NPAS3: variants seen among roughly 807,000 people sequenced by gnomAD.
The protein encoded by NPAS3 is neuronal PAS domain protein 3, also known as neuronal PAS domain-containing protein 3.
A neutral mutation model predicts 73.1 loss-of-function variants in NPAS3; 14 were observed. That is an observed-to-expected ratio of 0.19 (90% CI 0.13 to 0.30). The LOEUF is 0.30. Ranked by LOEUF, NPAS3 falls within the 10% of genes least tolerant of loss-of-function variation. The pLI is 1.00. For synonymous variants in NPAS3, 620 were observed against 541.5 expected (o/e 1.14, Z -2.01); for missense variants, 1,096 against 1,250.0 (o/e 0.88, Z 1.86).
At chr14:33,236,173 A>T (rs2048027279) in intron 3 of NPAS3, among the ~76,000 whole-genome samples, 1 of 151,912 alleles carries the variant, frequency 6.6e-6, no homozygotes, top group Non-Finnish European at 1.5e-5. Flanking sequence ...CACTGAAAAA[A>T]AACCAAAGAG....
intron 2 of NPAS3, among the ~76,000 whole-genome samples, chr14:33,142,191 CTTTTTT>C (rs10709910): frequency 1.6e-4 from 6 of 38,100 alleles, no homozygotes; most frequent in East Asian, 2.3e-3. Flanking sequence ...TTTGTATAAG[CTTTTTT>C]TTTTTTTTTT....
At chr14:33,613,252 C>T (rs2057806682) in intron 5 of NPAS3, among the ~76,000 whole-genome samples, 1 of 152,084 alleles carries the variant, frequency 6.6e-6, no homozygotes, top group Non-Finnish European at 1.5e-5. Flanking sequence ...ACCCTGAGGC[C>T]ATTTAGAATC....
chr14:33,438,163 T>A (rs2049073575), intron 4 of NPAS3, among the ~76,000 whole-genome samples: 2 of 152,212 alleles, frequency 1.3e-5, no homozygotes, highest in Admixed American at 6.5e-5. Context: ...TCTTGATGCT[T>A]ACTGAGCATA....
At chr14:32,939,771 C>T (rs2035899931) in intron 1 of NPAS3, among the ~76,000 whole-genome samples, 1 of 151,870 alleles carries the variant, frequency 6.6e-6, no homozygotes, top group Non-Finnish European at 1.5e-5. Context: ...CTAGCAGCTG[C>T]TCTCGAGGAA....
chr14:33,663,680 T>G (rs1415699623), intron 5 of NPAS3, among the ~76,000 whole-genome samples: 1 of 152,142 alleles, frequency 6.6e-6, no homozygotes, highest in African/African-American at 2.4e-5. Context: ...GTCCTGGGGT[T>G]TTTTTGGTTG....
chr14:33,362,754 G>C (rs570895911), intron 3 of NPAS3, among the ~76,000 whole-genome samples: 47 of 152,196 alleles, frequency 3.1e-4, no homozygotes, highest in Admixed American at 2.2e-3. Flanking sequence ...GACTACATTT[G>C]CCCGTGATGC....
At chr14:33,039,840 T>G (rs932055069) in intron 1 of NPAS3, among the ~76,000 whole-genome samples, 1 of 152,228 alleles carries the variant, frequency 6.6e-6, no homozygotes, top group Non-Finnish European at 1.5e-5. Flanking sequence ...AATCAGGCCT[T>G]TAAATTAATC....
chr14:33,348,052 T>TG (rs2044832739), intron 3 of NPAS3, among the ~76,000 whole-genome samples: 2 of 152,102 alleles, frequency 1.3e-5, no homozygotes, highest in African/African-American at 4.8e-5. Flanking sequence ...GAGAGAGGGT[T>TG]GGATGTCAAG....
intron 1 of NPAS3, among the ~76,000 whole-genome samples, chr14:32,968,146 A>C (rs2139288543): frequency 1.3e-5 from 2 of 152,132 alleles, no homozygotes; most frequent in South Asian, 2.1e-4. Flanking sequence ...AGGAGGAATA[A>C]GTTCTGGTGT....
intron 3 of NPAS3, among the ~76,000 whole-genome samples, chr14:33,321,018 A>T (rs1467524543): frequency 1.3e-5 from 2 of 152,126 alleles, no homozygotes; most frequent in African/African-American, 4.8e-5. Flanking sequence ...TCTCAGAATG[A>T]TGCAAAGCAC....
chr14:33,697,904 G>T (rs10498317), intron 6 of NPAS3, among the ~76,000 whole-genome samples: 4,570 of 152,282 alleles, frequency 0.03, 84 homozygotes, highest in Middle Eastern at 0.044. Context: ...TCCTCAATGT[G>T]TCTTTCTCTC....
At chr14:33,024,029 G>C (rs563502799) in intron 1 of NPAS3, among the ~76,000 whole-genome samples, 1 of 152,168 alleles carries the variant, frequency 6.6e-6, no homozygotes, top group East Asian at 1.9e-4. Flanking sequence ...GTTTGTTTTT[G>C]GCAGAAGAGT....
intron 10 of NPAS3, among the ~76,000 whole-genome samples, 194 bp from the exon 11 acceptor site, chr14:33,797,263 G>C (rs920558827): frequency 6.6e-6 from 1 of 152,238 alleles, no homozygotes; most frequent in African/African-American, 2.4e-5. Context: ...TTGCAGCAGG[G>C]TGCACCTGTG....
At chr14:33,538,882 T>C (rs1439949707) in intron 4 of NPAS3, among the ~76,000 whole-genome samples, 3 of 152,148 alleles carry the variant, frequency 2.0e-5, no homozygotes, top group African/African-American at 7.2e-5. Context: ...ACCCCCAACA[T>C]TCTATAATTT....
At chr14:33,281,367 A>T (rs1218219406) in intron 3 of NPAS3, among the ~76,000 whole-genome samples, 2 of 152,196 alleles carry the variant, frequency 1.3e-5, no homozygotes, top group Admixed American at 6.5e-5. Flanking sequence ...ATGGTGGCTC[A>T]TGCCTGTAAT....
intron 2 of NPAS3, among the ~76,000 whole-genome samples, chr14:33,147,484 G>T (rs919094042): frequency 1.3e-5 from 2 of 150,400 alleles, no homozygotes; most frequent in African/African-American, 4.9e-5. Flanking sequence ...CTAGGTGATA[G>T]AAATAAAAAT....
chr14:33,800,419 CG>C lies in NPAS3; in HGVS notation c.2118del (p.Leu707CysfsTer103). The stretch of plus-strand genomic sequence containing the variant: ...GCGGCGGCGGTGGGGGTGGCGGTGG[CG>C]GGGGGCTGCACGTGGCCATTCCCGA... On this transcript the variant is annotated frameshift_variant, in exon 12 of 12. Coordinates refer to ENST00000356141, the Ensembl canonical transcript of NPAS3. LOFTEE classifies it high-confidence loss of function. The surrounding 1 kb of genome is among the most constrained non-coding windows in gnomAD (Gnocchi z 6.5). 5 of 1,592,766 alleles carry C rather than the reference CG, an allele frequency of 3.1e-6. No homozygotes were observed. The highest frequency in any genetic ancestry group is 1.7e-5 in the Admixed American group (1 of 57,378).
In NPAS3 at chr14:33,056,125, AAAAC is replaced by A. The variant is rs2040879877; in HGVS notation, c.140+136_140+139del. 5 of 543,492 alleles carry A rather than the reference AAAAC, an allele frequency of 9.2e-6. No homozygotes were observed. The Admixed American group carries it at 1.0e-4, about 11-fold the overall frequency. The allele number at this position is 543,492 out of a possible 1,614,324, so 33.7% of individuals were successfully genotyped here. ...TTAGTGGGGGAGAAAAAAAAACAAA[AAAAC>A]AAACCAACAAACCAAACCAAATAAA... is the stretch of plus-strand genomic sequence containing the variant. On this transcript the variant is annotated intron_variant, in intron 2 of 11. Transcript: ENST00000356141.
At chr14:33,451,835 T>C (rs540870495) in intron 4 of NPAS3, among the ~76,000 whole-genome samples, 1 of 152,286 alleles carries the variant, frequency 6.6e-6, no homozygotes, top group African/African-American at 2.4e-5. Flanking sequence ...TATAGCAAGA[T>C]TCTTAAACTG....
Sources: allele counts gnomAD v4.1 joint callset (sites outside exome capture counted in the v4.1 genomes callset), GRCh38; gene constraint gnomAD v4.1.1; non-coding constraint Gnocchi (gnomAD v3.1); transcripts MANE v1.5; gene names NCBI Gene and HGNC (gene_info 2026-07-23, HGNC 2026-07-21).